RABGAP1L: variants seen among roughly 807,000 people sequenced by gnomAD.
RABGAP1L encodes rab GTPase-activating protein 1-like.
In RABGAP1L, 63 loss-of-function variants were observed where a neutral mutation model predicts 137.7. The ratio of observed to expected loss-of-function variants is 0.46; its 90% CI spans 0.37 to 0.56. The LOEUF is 0.56. Ranked by LOEUF, RABGAP1L falls within the 20% of genes least tolerant of loss-of-function variation. RABGAP1L has a pLI of 0.00. For missense variants in RABGAP1L, 1,095 were observed against 1,244.0 expected (o/e 0.88, Z 1.80); for synonymous variants, 431 against 433.7 (o/e 0.99, Z 0.08).
intron 13 of RABGAP1L, among the ~76,000 whole-genome samples, chr1:174,483,946 T>C (rs895209702): frequency 1.3e-5 from 2 of 152,244 alleles, no homozygotes; most frequent in African/African-American, 4.8e-5. Context: ...CTGGATCATA[T>C]GGTAGCTCTA....
At chr1:174,568,058 G>A (rs1432428272) in intron 13 of RABGAP1L, among the ~76,000 whole-genome samples, 1 of 152,152 alleles carries the variant, frequency 6.6e-6, no homozygotes. Flanking sequence ...GATCCGGGAG[G>A]CTGTACATGA....
At chr1:174,546,132 G>A (rs1410730945) in intron 13 of RABGAP1L, among the ~76,000 whole-genome samples, 2 of 152,044 alleles carry the variant, frequency 1.3e-5, no homozygotes, top group East Asian at 1.9e-4. Flanking sequence ...TAGCTCTTCC[G>A]AGTATTAGGA....
intron 13 of RABGAP1L, among the ~76,000 whole-genome samples, chr1:174,516,038 A>G (rs907809697): frequency 6.6e-6 from 1 of 151,844 alleles, no homozygotes; most frequent in African/African-American, 2.4e-5. Context: ...TCACTTGCAA[A>G]TATTCAACTG....
intron 1 of RABGAP1L, among the ~76,000 whole-genome samples, chr1:174,175,623 C>CT (rs770897839): frequency 0.075 from 9,233 of 122,306 alleles, 612 homozygotes; most frequent in East Asian, 0.31. Flanking sequence ...CGCCCGGCTA[C>CT]TTTTTTTTTT....
At chr1:174,205,372 T>G (rs527424523) in intron 1 of RABGAP1L, among the ~76,000 whole-genome samples, 1 of 152,158 alleles carries the variant, frequency 6.6e-6, no homozygotes, top group Non-Finnish European at 1.5e-5. Flanking sequence ...TACCAGCTCT[T>G]CTCTGTAGAT....
At chr1:174,912,814 T>C (rs1660262402) in intron 19 of RABGAP1L, among the ~76,000 whole-genome samples, 1 of 152,204 alleles carries the variant, frequency 6.6e-6, no homozygotes, top group Non-Finnish European at 1.5e-5. Flanking sequence ...TATTCCATCA[T>C]CATGTGATAT....
intron 13 of RABGAP1L, among the ~76,000 whole-genome samples, chr1:174,537,696 C>T (rs1236263277): frequency 2.6e-5 from 4 of 152,114 alleles, no homozygotes; most frequent in African/African-American, 7.2e-5. Context: ...TAATGATCTG[C>T]CATCGTGTGA....
intron 19 of RABGAP1L, among the ~76,000 whole-genome samples, chr1:174,954,438 A>G (rs1668206526): frequency 6.6e-6 from 1 of 152,224 alleles, no homozygotes; most frequent in South Asian, 2.1e-4. Flanking sequence ...TCACTTTGAA[A>G]TGAACCTCTT....
intron 12 of RABGAP1L, among the ~76,000 whole-genome samples, chr1:174,376,929 G>T (rs1358200530): frequency 2.0e-5 from 3 of 152,166 alleles, no homozygotes; most frequent in Non-Finnish European, 4.4e-5. Context: ...TTGCAGAGAT[G>T]TGATTGTCTG....
intron 19 of RABGAP1L, among the ~76,000 whole-genome samples, chr1:174,835,422 G>T (rs1692637103): frequency 6.6e-6 from 1 of 152,176 alleles, no homozygotes; most frequent in African/African-American, 2.4e-5. Flanking sequence ...TCAATTTATA[G>T]TAAATTTCAC....
chr1:174,271,872 G>A (rs1442444111), intron 7 of RABGAP1L, among the ~76,000 whole-genome samples: 3 of 151,680 alleles, frequency 2.0e-5, no homozygotes, highest in Admixed American at 6.6e-5. Context: ...AATAAAGTTT[G>A]CATAACTTTT....
At chr1:174,546,628 G>A (rs535157400) in intron 13 of RABGAP1L, among the ~76,000 whole-genome samples, 1 of 152,308 alleles carries the variant, frequency 6.6e-6, no homozygotes, top group South Asian at 2.1e-4. Context: ...GCCTCTTTCA[G>A]TCCTTGCTAG....
intron 17 of RABGAP1L, among the ~76,000 whole-genome samples, chr1:174,722,518 C>T (rs1050208980): frequency 1.3e-5 from 2 of 151,690 alleles, no homozygotes; most frequent in Non-Finnish European, 1.5e-5. Flanking sequence ...GGTGCAATCT[C>T]GGCTCACTGC....
intron 14 of RABGAP1L, among the ~76,000 whole-genome samples, chr1:174,651,107 A>T (rs1298162025): frequency 6.6e-6 from 1 of 152,118 alleles, no homozygotes; most frequent in Middle Eastern, 3.2e-3. Context: ...GCAGTCATTC[A>T]GGAGCAGGTT....
chr1:174,667,676 A>G (rs555917875), intron 14 of RABGAP1L, among the ~76,000 whole-genome samples: 32 of 152,308 alleles, frequency 2.1e-4, no homozygotes, highest in African/African-American at 6.7e-4. Flanking sequence ...GCCATCTTCT[A>G]TGAAATTAAG....
intron 14 of RABGAP1L, among the ~76,000 whole-genome samples, chr1:174,675,263 G>C (rs1196044239): frequency 6.6e-6 from 1 of 151,308 alleles, no homozygotes; most frequent in African/African-American, 2.4e-5. Flanking sequence ...ATTAATTTTT[G>C]TATAAGGTGT....
chr1:174,693,322 G>A (rs998620066), intron 15 of RABGAP1L, among the ~76,000 whole-genome samples: 2 of 152,110 alleles, frequency 1.3e-5, no homozygotes, highest in South Asian at 2.1e-4. Flanking sequence ...AGCTTTTGAC[G>A]GCCAATTGTT....
At chr1:174,375,132 T>G (rs914393300) in intron 12 of RABGAP1L, among the ~76,000 whole-genome samples, 1 of 152,090 alleles carries the variant, frequency 6.6e-6, no homozygotes, top group Admixed American at 6.5e-5. Flanking sequence ...TTTAAATTAT[T>G]TATTCATTAC....
intron 14 of RABGAP1L, among the ~76,000 whole-genome samples, chr1:174,666,532 C>T (rs959383473): frequency 1.3e-5 from 2 of 152,186 alleles, no homozygotes; most frequent in Admixed American, 6.5e-5. Context: ...AGTATGTTAG[C>T]AGTACCAAGA....
Sources: gnomAD v4.1 joint callset for allele counts (sites outside exome capture counted in the v4.1 genomes callset) on GRCh38, gnomAD v4.1.1 for gene constraint, MANE v1.5 for transcripts, NCBI Gene and HGNC (gene_info 2026-07-23, HGNC 2026-07-21) for gene names.